Variants in KIRREL3 observed in about 807,000 individuals in gnomAD.
The protein encoded by KIRREL3 is kirre like nephrin family adhesion molecule 3.
KIRREL3 carries 36 observed loss-of-function variants against 89.7 expected under a neutral mutation model. That is an observed-to-expected ratio of 0.40 (90% CI 0.31 to 0.53). The LOEUF is 0.53. Among genes scored for constraint, KIRREL3 ranks in the 20% least tolerant of loss-of-function variants. KIRREL3 has a pLI of 0.49. For missense variants in KIRREL3, 864 were observed against 1,056.6 expected (o/e 0.82, Z 2.53); for synonymous variants, 445 against 441.4 (o/e 1.01, Z -0.10).
intron 2 of KIRREL3, among the ~76,000 whole-genome samples, chr11:126,559,740 G>A (rs1311300027): frequency 1.3e-5 from 2 of 152,058 alleles, no homozygotes; most frequent in Non-Finnish European, 2.9e-5. Flanking sequence ...CAGGATCTTG[G>A]CTCACTGCAG....
chr11:126,906,865 G>C lies in KIRREL3; in HGVS notation c.55+93590C>G, dbSNP rs1946609312. On this transcript the variant is annotated intron_variant, in intron 1 of 16. Coordinates refer to ENST00000525144, the MANE Select transcript of KIRREL3 (RefSeq NM_032531.4). The surrounding 1 kb of genome is among the most constrained non-coding windows in gnomAD (Gnocchi z 4.1). ...CTGAGGTCCATGAAGGGAAGTCAGA[G>C]TGGCTTGGCTGAGCCCTACATTTTC... is the stretch of plus-strand genomic sequence containing the variant. Among the ~76,000 whole-genome samples, 2 of 152,222 alleles carry C rather than the reference G, an allele frequency of 1.3e-5. No individual in the cohort carries two copies. Among genetic ancestry groups the C allele is most frequent in the Non-Finnish European group, 2.9e-5 (2 of 68,040 alleles).
In KIRREL3 at chr11:126,812,363, G is replaced by T. The variant is rs1951419461; in HGVS notation, c.55+188092C>A. Among the ~76,000 whole-genome samples the T allele has an allele frequency of 6.6e-6, 1 of 152,106 alleles. No homozygotes were observed. The highest frequency in any genetic ancestry group is 2.4e-5 in the African/African-American group (1 of 41,402). On this transcript the variant is annotated intron_variant, in intron 1 of 16. Coordinates refer to ENST00000525144, the MANE Select transcript of KIRREL3 (RefSeq NM_032531.4). This position sits in a 1 kb window ranked among gnomAD's most constrained non-coding sequence, Gnocchi z 5.2. The stretch of plus-strand genomic sequence containing the variant: ...TCCAGGCTAACCGTTGGTGGTTTAG[G>T]CAGACGGAACTCCTCTCAGGATTTA...
In KIRREL3 at chr11:126,628,928, C is replaced by A. The variant is rs1466340555; in HGVS notation, c.56-66016G>T. On this transcript the variant is annotated intron_variant, in intron 1 of 16. Coordinates refer to ENST00000525144, the MANE Select transcript of KIRREL3 (RefSeq NM_032531.4). The surrounding 1 kb of genome is among the most constrained non-coding windows in gnomAD (Gnocchi z 5.2). ...CCCCAGCCCAGCAGAGGCACCAAAC[C>A]CACGCAATTTGTAAATCTTTGATAA... Among the ~76,000 whole-genome samples the A allele has an allele frequency of 5.9e-5, 9 of 152,220 alleles. No individual in the cohort carries two copies.
chr11:126,510,009 A>AG (rs1958158134), intron 4 of KIRREL3, among the ~76,000 whole-genome samples: 1 of 149,998 alleles, frequency 6.7e-6, no homozygotes, highest in East Asian at 1.9e-4. Flanking sequence ...AAAAAAAAAA[A>AG]AAAAAAAAAG....
rs1290631855 is a variant in KIRREL3, at chr11:126,958,666, T to C, written c.55+41789A>G. On this transcript the variant is annotated intron_variant, in intron 1 of 16. Coordinates refer to ENST00000525144, the MANE Select transcript of KIRREL3 (RefSeq NM_032531.4). The stretch of plus-strand genomic sequence containing the variant: ...TTTCACACATAGTTTTTCTGCTTAA[T>C]CATGATAACCTGTGCACATAAAGGC... Among the ~76,000 whole-genome samples the C allele has an allele frequency of 2.0e-5, 3 of 152,262 alleles. No homozygotes were observed. The East Asian group carries it at 5.8e-4, about 29-fold the overall frequency.
intron 1 of KIRREL3, among the ~76,000 whole-genome samples, chr11:126,841,736 G>A (rs1053419405): frequency 1.3e-5 from 2 of 152,174 alleles, no homozygotes; most frequent in Non-Finnish European, 2.9e-5. Flanking sequence ...ACCCTACAGC[G>A]TCATCTTCAT....
At position 126,639,684 on chromosome 11, in the gene KIRREL3, A is replaced by T. The variant is rs181908172; in HGVS notation, c.56-76772T>A. Among the ~76,000 whole-genome samples the T allele has an allele frequency of 1.3e-5, 2 of 152,254 alleles. No individual in the cohort carries two copies. The highest frequency in any genetic ancestry group is 4.8e-5 in the African/African-American group (2 of 41,532). On this transcript the variant is annotated intron_variant, in intron 1 of 16. Transcript: ENST00000525144. The surrounding 1 kb of genome is among the most constrained non-coding windows in gnomAD (Gnocchi z 4.3). ...ACAATTAATATTCTCCCTGGTGTTG[A>T]TTTTGTTCAAATATATTGGGCCCAT... is the stretch of plus-strand genomic sequence containing the variant.
chr11:126,630,374 C>T (rs115621272), intron 1 of KIRREL3, among the ~76,000 whole-genome samples: 294 of 152,306 alleles, frequency 1.9e-3, no homozygotes, highest in African/African-American at 6.7e-3. Context: ...CTAAGAGGCA[C>T]GTTCTCTTCA....
In KIRREL3 at chr11:126,739,999, C is replaced by G. The variant is rs1326567586; in HGVS notation, c.56-177087G>C. Among the ~76,000 whole-genome samples the G allele has an allele frequency of 6.6e-6, 1 of 152,012 alleles. No individual in the cohort carries two copies. The highest frequency in any genetic ancestry group is 6.6e-5 in the Admixed American group (1 of 15,264). The stretch of plus-strand genomic sequence containing the variant: ...GCTGCACTCTGAATTTGTCATGACT[C>G]ACTGGAGGGTAGGGTGTATGGAGGG... On this transcript the variant is annotated intron_variant, in intron 1 of 16. Coordinates refer to ENST00000525144, the MANE Select transcript of KIRREL3 (RefSeq NM_032531.4). This position sits in a 1 kb window ranked among gnomAD's most constrained non-coding sequence, Gnocchi z 5.5.
chr11:126,937,021 T>C (rs896065503), intron 1 of KIRREL3: 8 of 152,176 alleles, frequency 5.3e-5, no homozygotes, highest in African/African-American at 1.9e-4. Context: ...TAATTTAACA[T>C]AACCCCATTA....
At chr11:126,470,042 C>T (rs189399760) in intron 5 of KIRREL3, among the ~76,000 whole-genome samples, 449 of 152,358 alleles carry the variant, frequency 2.9e-3, no homozygotes, top group African/African-American at 0.01. Flanking sequence ...TCGGGTCCCC[C>T]GCCCTGCTGT....
Position 126,677,622 on chromosome 11 carries a change from C to T in KIRREL3, c.56-114710G>A, listed in dbSNP as rs962694722. On this transcript the variant is annotated intron_variant, in intron 1 of 16. Coordinates refer to ENST00000525144, the MANE Select transcript of KIRREL3 (RefSeq NM_032531.4). The surrounding 1 kb of genome is among the most constrained non-coding windows in gnomAD (Gnocchi z 5.1). ...TGTCTGGCTGCATTCGCTGAGCTGT[C>T]GCTGTGCTAGGTGCTGAAGCAGGGC... Among the ~76,000 whole-genome samples, 2 of 152,134 alleles carry T rather than the reference C, an allele frequency of 1.3e-5. No individual in the cohort carries two copies. Among genetic ancestry groups the T allele is most frequent in the African/African-American group, 4.8e-5 (2 of 41,428 alleles).
rs138163424 is a variant in KIRREL3, at chr11:126,889,077, G to A, written c.55+111378C>T. Among the ~76,000 whole-genome samples the A allele has an allele frequency of 6.4e-4, 98 of 152,226 alleles. 1 individual carries two copies. Among genetic ancestry groups the A allele is most frequent in the African/African-American group, 2.2e-3 (92 of 41,522 alleles). ...AGTATGATTGCACACAATAAATAACGTCGTTAAAGTAGTATACAAGGTGAG... is the reference window on the plus strand; with the variant it reads ...AGTATGATTGCACACAATAAATAACATCGTTAAAGTAGTATACAAGGTGAG... On this transcript the variant is annotated intron_variant, in intron 1 of 16. Transcript: ENST00000525144.
intron 1 of KIRREL3, among the ~76,000 whole-genome samples, chr11:126,721,791 G>A (rs566852584): frequency 2.6e-5 from 4 of 152,298 alleles, no homozygotes; most frequent in African/African-American, 9.6e-5. Flanking sequence ...AACAGGGTGC[G>A]TTGGAGGGAC....
chr11:126,975,121 T>C (rs1374743873), intron 1 of KIRREL3, among the ~76,000 whole-genome samples: 1 of 152,114 alleles, frequency 6.6e-6, no homozygotes, highest in Non-Finnish European at 1.5e-5. Flanking sequence ...CAAAACACTA[T>C]TATTATCTTA....
At chr11:126,840,221 T>C (rs532674570) in intron 1 of KIRREL3, among the ~76,000 whole-genome samples, 20 of 152,294 alleles carry the variant, frequency 1.3e-4, no homozygotes, top group African/African-American at 4.8e-4. Flanking sequence ...ATATTTCAAC[T>C]CTAGAACCTA....
rs1455660881 is a variant in KIRREL3, at chr11:126,486,265, G to C, written c.434-12799C>G. ...ACAGCAAGGGTGAGAGGGCTTGGGA[G>C]AGGCCAGCAGAGAAGGGACAGTGGG... On this transcript the variant is annotated intron_variant, in intron 4 of 16. Transcript: ENST00000525144. This position sits in a 1 kb window ranked among gnomAD's most constrained non-coding sequence, Gnocchi z 6.2. 1.3e-5 allele frequency among the ~76,000 whole-genome samples: 2 copies of C among 152,158 alleles called. No individual in the cohort carries two copies. The highest frequency in any genetic ancestry group is 1.5e-5 in the Non-Finnish European group (1 of 68,038).
intron 1 of KIRREL3, among the ~76,000 whole-genome samples, chr11:126,873,118 T>C (rs866136523): frequency 9.8e-5 from 15 of 152,314 alleles, no homozygotes; most frequent in African/African-American, 2.6e-4. Context: ...TAATATATCA[T>C]GGAATAGTGA....
intron 1 of KIRREL3, among the ~76,000 whole-genome samples, chr11:126,741,821 C>A (rs1016361284): frequency 6.6e-6 from 1 of 152,216 alleles, no homozygotes; most frequent in Admixed American, 6.5e-5. Context: ...CATTTGGGAA[C>A]CACTGAGGTC....
Sources: allele counts gnomAD v4.1 joint callset (sites outside exome capture counted in the v4.1 genomes callset), GRCh38; gene constraint gnomAD v4.1.1; non-coding constraint Gnocchi (gnomAD v3.1); transcripts MANE v1.5; gene names NCBI Gene and HGNC (gene_info 2026-07-23, HGNC 2026-07-21).